The following SCAMP2 variants were observed in gnomAD, a reference collection of about 807,000 sequenced individuals.
SCAMP2 encodes the protein secretory carrier membrane protein 2.
Under a neutral mutation model 44.1 loss-of-function variants are expected in SCAMP2, and 25 were observed. That is an observed-to-expected ratio of 0.57 (90% confidence interval 0.41 to 0.79). The LOEUF is 0.79. Ranked by LOEUF, SCAMP2 falls within the 30% of genes least tolerant of loss-of-function variation. SCAMP2 has a pLI of 0.00. For synonymous variants in SCAMP2, 156 were observed against 166.0 expected, an observed-to-expected ratio of 0.94 and a Z score of 0.46; for missense variants, 355 against 411.0, an observed-to-expected ratio of 0.86 and a Z score of 1.18.
rs2064364031 is a variant in SCAMP2 at position 74,844,140 on chromosome 15, G to A, written c.*943C>T. ...TGAAAGTCTGGATGCTGCTGATGGG[G>A]AGCATGGGCGGGGCAGGTGGCATCT... is the stretch of plus-strand genomic sequence containing the variant. On this transcript the variant is annotated 3_prime_UTR_variant, in exon 9 of 9. Transcript: ENST00000268099. 1 of 151,464 alleles carries A rather than the reference G, an allele frequency of 6.6e-6. No homozygotes were observed. Among genetic ancestry groups the A allele is most frequent in the African/African-American group, 2.4e-5 (1 of 41,248 alleles). 9.4% of individuals were successfully genotyped at this position (151,464 alleles called of 1,614,324 possible).
chr15:74,851,311 C>A, intron 5 of SCAMP2, 42 bp downstream of exon 5: 1 of 1,602,552 alleles, frequency 6.2e-7, no homozygotes, highest in Non-Finnish European at 8.5e-7. Context: ...TCAAGTCACA[C>A]CCAATTCGCC....
intron 3 of SCAMP2, chr15:74,853,461 G>A (rs533457295): frequency 6.7e-4 from 305 of 456,494 alleles, no homozygotes; most frequent in Non-Finnish European, 1.2e-3. Flanking sequence ...CCAGGAATTG[G>A]GCAGGCGGGA....
At chr15:74,863,280 G>A (rs2064520800) in intron 1 of SCAMP2, among the ~76,000 whole-genome samples, 1 of 151,572 alleles carries the variant, frequency 6.6e-6, no homozygotes, top group South Asian at 2.1e-4. Flanking sequence ...GGGAGGCGGG[G>A]AGATTGCAGT....
intron 4 of SCAMP2, 96 bp downstream of exon 4, chr15:74,851,973 C>T (rs978848251): frequency 5.3e-6 from 4 of 760,980 alleles, no homozygotes; most frequent in Non-Finnish European, 8.1e-6. Context: ...AACTCTAAGG[C>T]AGCTCAGGGT....
At chr15:74,854,337 A>C (rs2064454344) in intron 2 of SCAMP2, among the ~76,000 whole-genome samples, 1 of 152,194 alleles carries the variant, frequency 6.6e-6, no homozygotes, top group South Asian at 2.1e-4. Context: ...GGTCCAGCAC[A>C]CTTGGGCACT....
Position 74,844,879 on chromosome 15 carries a change from G to GTT in SCAMP2, c.*202_*203dup, listed in dbSNP as rs149710989. The stretch of plus-strand genomic sequence containing the variant: ...TCACCAGAGAAGGAAAGAGAGCTTT[G>GTT]TTTTTTTTTGTACATAGAGGGGGAA... On this transcript the variant is annotated 3_prime_UTR_variant, in exon 9 of 9. Coordinates refer to ENST00000268099, the MANE Select transcript of SCAMP2 (RefSeq NM_005697.5). 46 of 543,998 alleles carry GTT rather than the reference G, an allele frequency of 8.5e-5. No homozygotes were observed. Among genetic ancestry groups the GTT allele is most frequent in the African/African-American group, 7.3e-4 (38 of 52,392 alleles). The allele number at this position is 543,998 out of a possible 1,614,324, so 33.7% of individuals were successfully genotyped here.
At chr15:74,861,712 C>T (rs1351166696) in intron 1 of SCAMP2, among the ~76,000 whole-genome samples, 1 of 151,820 alleles carries the variant, frequency 6.6e-6, no homozygotes, top group African/African-American at 2.4e-5. Context: ...TCCTGGCTAA[C>T]ACGGTGAAAC....
chr15:74,851,275 G>C, intron 5 of SCAMP2, 78 bp downstream of exon 5: 1 of 1,519,576 alleles, frequency 6.6e-7, no homozygotes, highest in Non-Finnish European at 9.0e-7. Context: ...TACCAGGGAG[G>C]AGCAGCCAGG....
intron 1 of SCAMP2, among the ~76,000 whole-genome samples, chr15:74,858,870 T>A (rs936897844): frequency 2.0e-5 from 3 of 146,502 alleles, no homozygotes; most frequent in Admixed American, 7.1e-5. Flanking sequence ...TGGAGTGCAG[T>A]GGCGCGATCT....
In SCAMP2 at chr15:74,853,957, C is replaced by G; in HGVS notation, c.225+64G>C. The G allele has an allele frequency of 6.4e-6, 9 of 1,407,234 alleles. No individual in the cohort carries two copies. The South Asian group carries it at 1.0e-4, about 16-fold the overall frequency. The allele number at this position is 1,407,234 out of a possible 1,614,324, so 87.2% of individuals were successfully genotyped here. A position where few individuals can be genotyped will look rare whatever the true frequency, so the allele number is the denominator to read the frequency against. Reference sequence around the variant, plus strand: ...TCTGCTTGCCCCCAGCCTCAGGGCTCAGCTACTGGTCTGGATGATTCCCTC... The same window carrying G: ...TCTGCTTGCCCCCAGCCTCAGGGCTGAGCTACTGGTCTGGATGATTCCCTC... On this transcript the variant is annotated intron_variant, in intron 3 of 8. Coordinates refer to ENST00000268099, the MANE Select transcript of SCAMP2 (RefSeq NM_005697.5).
chr15:74,847,792 C>T (rs1254098176), intron 7 of SCAMP2, among the ~76,000 whole-genome samples: 2 of 152,178 alleles, frequency 1.3e-5, no homozygotes, highest in African/African-American at 4.8e-5. Context: ...ACTGAGGTAC[C>T]CTGGAAACTC....
rs1323074616 is a variant in SCAMP2, at chr15:74,845,607, AAG to A, written c.735-16_735-15del. 6.2e-7 allele frequency: 1 copy of A among 1,613,602 alleles called. No homozygotes were observed. The highest frequency in any genetic ancestry group is 1.7e-5 in the Admixed American group (1 of 60,002). ...GCAATCCAACCGCTATAAAGGGAAGAAGAGGCCAGAGGGAGCAAAGTGGGAGT... is the reference window on the plus strand; with the variant it reads ...GCAATCCAACCGCTATAAAGGGAAGAAGGCCAGAGGGAGCAAAGTGGGAGT... On this transcript the variant is annotated splice_polypyrimidine_tract_variant and intron_variant, in intron 7 of 8. Transcript: ENST00000268099.
chr15:74,873,265 G>A lies in SCAMP2; in HGVS notation c.-10C>T, dbSNP rs542081476. The A allele has an allele frequency of 2.5e-5, 37 of 1,478,656 alleles. No homozygotes were observed. In the East Asian group the frequency reaches 2.7e-4, roughly 11 times the overall value. The allele number at this position is 1,478,656 out of a possible 1,614,324, so 91.6% of individuals were successfully genotyped here. ...TGTCGAAAGCCGACATGGTGATCGG[G>A]GGCCAGCGGGCGAACTCCGCGAACG... On this transcript the variant is annotated 5_prime_UTR_variant, in exon 1 of 9. Coordinates refer to ENST00000268099, the MANE Select transcript of SCAMP2 (RefSeq NM_005697.5).
At position 74,850,599 on chromosome 15, in the gene SCAMP2, C is replaced by T. The variant is rs2064429092; in HGVS notation, c.547G>A (p.Asp183Asn). The T allele has an allele frequency of 1.2e-6, 2 of 1,613,978 alleles. No homozygotes were observed. The highest frequency in any genetic ancestry group is 1.7e-6 in the Non-Finnish European group (2 of 1,180,006). ...AACCACAGGATGGAGAGGCCAAAGT[C>T]CACTCCCTTGGAGCTGTTGCCCGAG... ...WFSGNSSKGV[D>N]FGLSILWFLI... The change falls in exon 6 of 9, where the codon GAC (aspartate) becomes AAC (asparagine). Residue 183 changes from aspartate to asparagine, a missense_variant. Physicochemically the swap from Asp to Asn is conservative, Grantham distance 23. Transcript: ENST00000268099.
chr15:74,850,657 C>A lies in SCAMP2; in HGVS notation c.489G>T (p.Leu163=). 6.2e-7 allele frequency: 1 copy of A among 1,613,990 alleles called. No individual in the cohort carries two copies. The highest frequency in any genetic ancestry group is 2.2e-5 in the East Asian group (1 of 44,870). ...YYLWMLHSVT[L]FLNLLACLAW... is the part of the protein sequence containing the mutation. Reference sequence around the variant, plus strand: ...CCAGGCAGGCAAGCAGGTTCAGAAACAGAGTCACTGAATGCACTGGGGAAG... The same window carrying A: ...CCAGGCAGGCAAGCAGGTTCAGAAAAAGAGTCACTGAATGCACTGGGGAAG... The change falls in exon 6 of 9, where the codon CTG becomes CTT. Residue 163 remains leucine (L), a synonymous_variant. Coordinates refer to ENST00000268099, the MANE Select transcript of SCAMP2 (RefSeq NM_005697.5).
intron 1 of SCAMP2, among the ~76,000 whole-genome samples, chr15:74,855,475 G>A (rs566249769): frequency 7.3e-4 from 111 of 152,192 alleles, no homozygotes; most frequent in African/African-American, 2.5e-3. Context: ...CCAGCACTTT[G>A]GGAGGCTGAG....
chr15:74,852,205 G>A lies in SCAMP2; in HGVS notation c.226-19C>T. The A allele has an allele frequency of 6.9e-7, 1 of 1,452,208 alleles. No individual in the cohort carries two copies. The highest frequency in any genetic ancestry group is 1.4e-5 in the South Asian group (1 of 69,848). The allele number at this position is 1,452,208 out of a possible 1,614,324, so 90.0% of individuals were successfully genotyped here. A position where few individuals can be genotyped will look rare whatever the true frequency, so the allele number is the denominator to read the frequency against. On this transcript the variant is annotated intron_variant, in intron 3 of 8. Transcript: ENST00000268099. ...CCACGGCCTGGAGAGAACAGGGGAG[G>A]TACAGGGACAGCCAGACACAACAAA... is the stretch of plus-strand genomic sequence containing the variant.
chr15:74,868,667 C>T (rs1053430411), intron 1 of SCAMP2, among the ~76,000 whole-genome samples: 5 of 152,156 alleles, frequency 3.3e-5, no homozygotes, highest in African/African-American at 7.2e-5. Flanking sequence ...GGCAGCCTCC[C>T]GAGTAGCTGA....
In SCAMP2 at chr15:74,859,164, G is replaced by A. The variant is rs546504464; in HGVS notation, c.58-4515C>T. Among the ~76,000 whole-genome samples, 6 of 152,184 alleles carry A rather than the reference G, an allele frequency of 3.9e-5. No individual in the cohort carries two copies. The South Asian group carries it at 1.2e-3, about 32-fold the overall frequency. On this transcript the variant is annotated intron_variant, in intron 1 of 8. Transcript: ENST00000268099. ...GTGAGGGCTAAGTTTCACCTACAAG[G>A]AGGAATAACCTAAAACTCCCCTGCA...
Sources: allele counts gnomAD v4.1 joint callset (sites outside exome capture counted in the v4.1 genomes callset), GRCh38; gene constraint gnomAD v4.1.1; transcripts MANE v1.5; gene names NCBI Gene and HGNC (gene_info 2026-07-23, HGNC 2026-07-21).